RGS6: variants seen among roughly 807,000 people sequenced by gnomAD.
The protein encoded by RGS6 is regulator of G protein signaling 6, also known as regulator of G-protein signaling 6.
In RGS6, 30 loss-of-function variants were observed where a neutral mutation model predicts 78.5. That is an observed-to-expected ratio of 0.38 (90% CI 0.29 to 0.52). The LOEUF (loss-of-function observed/expected upper bound fraction) is 0.52, where lower values mean the gene tolerates loss of function less well. Among genes scored for constraint, RGS6 ranks in the 20% least tolerant of loss-of-function variants. The pLI, the probability that RGS6 is intolerant of heterozygous loss-of-function variation, is 0.85. For missense variants in RGS6, 495 were observed against 609.7 expected (o/e 0.81, Z 1.98); for synonymous variants, 206 against 206.0 (o/e 1.00, Z 0.00).
chr14:72,192,980 GT>G (rs35795281), intron 2 of RGS6, among the ~76,000 whole-genome samples: 27,232 of 140,076 alleles, frequency 0.19, 2,590 homozygotes, highest in African/African-American at 0.26. Context: ...GCTGGGTTGG[GT>G]TTTTTTTTTT....
chr14:72,004,035 A>G (rs1407898838), intron 2 of RGS6, among the ~76,000 whole-genome samples: 1 of 152,204 alleles, frequency 6.6e-6, no homozygotes, highest in African/African-American at 2.4e-5. Flanking sequence ...CCTCAAAAAT[A>G]CTACGCCTGA....
intron 2 of RGS6, among the ~76,000 whole-genome samples, chr14:72,157,903 T>C (rs2096795785): frequency 6.6e-6 from 1 of 152,164 alleles, no homozygotes; most frequent in Admixed American, 6.5e-5. Flanking sequence ...GCAGGTTTGT[T>C]ACATAGGTAT....
intron 2 of RGS6, among the ~76,000 whole-genome samples, chr14:72,289,644 C>G (rs2063225432): frequency 1.3e-5 from 2 of 152,134 alleles, no homozygotes; most frequent in African/African-American, 4.8e-5. Context: ...GGTTACCTGC[C>G]CGATACCTCT....
intron 3 of RGS6, among the ~76,000 whole-genome samples, chr14:72,435,791 C>A (rs1229218812): frequency 7.0e-6 from 1 of 142,494 alleles, no homozygotes; most frequent in Non-Finnish European, 1.5e-5. Context: ...CACATCTCCT[C>A]TCTCTGATCC....
At chr14:72,229,892 C>T (rs1245255535) in intron 2 of RGS6, among the ~76,000 whole-genome samples, 1 of 152,180 alleles carries the variant, frequency 6.6e-6, no homozygotes, top group African/African-American at 2.4e-5. Context: ...ACACATGAGG[C>T]ATAAGACTCG....
chr14:72,417,493 C>G (rs1417525842), intron 3 of RGS6, among the ~76,000 whole-genome samples: 1 of 152,028 alleles, frequency 6.6e-6, no homozygotes, highest in East Asian at 1.9e-4. Flanking sequence ...TTTTTTTCCC[C>G]CAGATAGTGG....
Position 71,936,030 on chromosome 14 carries a change from A to G in RGS6, c.-21+3089A>G, listed in dbSNP as rs180880858. On this transcript the variant is annotated intron_variant, in intron 1 of 17. Transcript: ENST00000553525. The stretch of plus-strand genomic sequence containing the variant: ...GAACTAATAGGATATATATATATAT[A>G]TATATATATATGTACATATATATCA... Among the ~76,000 whole-genome samples, 310 of 133,202 alleles carry G rather than the reference A, an allele frequency of 2.3e-3. 8 individuals are homozygous for G. Among genetic ancestry groups the G allele is most frequent in the South Asian group, 4.1e-3 (17 of 4,098 alleles). The allele number at this position is 133,202 out of a possible 152,430, so 87.4% of individuals were successfully genotyped here. A position where few individuals can be genotyped will look rare whatever the true frequency, so the allele number is the denominator to read the frequency against.
At chr14:72,407,748 G>A (rs1196234830) in intron 3 of RGS6, among the ~76,000 whole-genome samples, 1 of 152,246 alleles carries the variant, frequency 6.6e-6, no homozygotes, top group Non-Finnish European at 1.5e-5. Flanking sequence ...TACTTGAAGT[G>A]CAAGGGAAAT....
At chr14:72,287,790 A>G (rs1373546483) in intron 2 of RGS6, among the ~76,000 whole-genome samples, 1 of 152,178 alleles carries the variant, frequency 6.6e-6, no homozygotes, top group African/African-American at 2.4e-5. Context: ...TTCCTTCTAT[A>G]CCTAGTTTGT....
chr14:72,536,318 C>T, intron 16 of RGS6, 43 bp downstream of exon 16: 1 of 1,384,670 alleles, frequency 7.2e-7, no homozygotes. Flanking sequence ...ACTGTTGACT[C>T]TTGCCTGCTG....
At chr14:72,481,758 A>G (rs1055535361) in intron 12 of RGS6, among the ~76,000 whole-genome samples, 28 of 150,148 alleles carry the variant, frequency 1.9e-4, no homozygotes, top group Non-Finnish European at 3.2e-4. Flanking sequence ...CACACACATG[A>G]GTGTCTCAGA....
chr14:72,155,831 T>G (rs572082704), intron 2 of RGS6, among the ~76,000 whole-genome samples: 1 of 152,344 alleles, frequency 6.6e-6, no homozygotes, highest in East Asian at 1.9e-4. Context: ...CTGGCTTCAG[T>G]ATTCTTTTCT....
At chr14:72,178,925 A>G (rs1050766317) in intron 2 of RGS6, among the ~76,000 whole-genome samples, 3 of 152,232 alleles carry the variant, frequency 2.0e-5, no homozygotes, top group Non-Finnish European at 2.9e-5. Context: ...TCTTGGGGAA[A>G]GTCCCCGCCT....
At chr14:72,166,737 A>G (rs1176471595) in intron 2 of RGS6, among the ~76,000 whole-genome samples, 1 of 152,228 alleles carries the variant, frequency 6.6e-6, no homozygotes, top group Non-Finnish European at 1.5e-5. Context: ...GTACTTTTTT[A>G]TAGACCTATT....
intron 17 of RGS6, among the ~76,000 whole-genome samples, chr14:72,548,864 A>G (rs2097452739): frequency 6.6e-6 from 1 of 152,224 alleles, no homozygotes; most frequent in Non-Finnish European, 1.5e-5. Flanking sequence ...AGAATATTCC[A>G]ACAATAGACT....
chr14:72,608,337 C>A, the RGS6 span, among the ~76,000 whole-genome samples: 3 of 152,206 alleles, frequency 2.0e-5, no homozygotes, highest in Admixed American at 1.3e-4. Context: ...GAGTCCTATA[C>A]CCACAGGCTG....
intron 17 of RGS6, among the ~76,000 whole-genome samples, chr14:72,545,683 A>G (rs1201156162): frequency 1.3e-5 from 2 of 152,070 alleles, no homozygotes; most frequent in African/African-American, 4.8e-5. Context: ...CTGTGGATAG[A>G]CTTGAGTTGG....
chr14:72,562,402 G>T lies in RGS6; in HGVS notation c.1423-15G>T, dbSNP rs377364178. 16 of 1,611,408 alleles carry T rather than the reference G, an allele frequency of 9.9e-6. No homozygotes were observed. The highest frequency in any genetic ancestry group is 1.3e-5 in the Non-Finnish European group (15 of 1,179,608). The stretch of plus-strand genomic sequence containing the variant: ...GTGCGCCTGTGCGTGCCTCTCTGTC[G>T]CTGTCTCTCTGCAGGGAAAGTCGCT... On this transcript the variant is annotated splice_polypyrimidine_tract_variant and intron_variant, in intron 17 of 17. Transcript: ENST00000553525.
intron 2 of RGS6, among the ~76,000 whole-genome samples, chr14:72,220,534 T>C (rs576349818): frequency 3.9e-4 from 59 of 152,282 alleles, no homozygotes; most frequent in African/African-American, 1.3e-3. Flanking sequence ...TCCGTAAATA[T>C]TGGCTTTGGT....
Sources: allele counts gnomAD v4.1 joint callset (sites outside exome capture counted in the v4.1 genomes callset), GRCh38; gene constraint gnomAD v4.1.1; transcripts MANE v1.5; gene names NCBI Gene and HGNC (gene_info 2026-07-23, HGNC 2026-07-21).